TTC27: variants seen among roughly 807,000 people sequenced by gnomAD.
The protein encoded by TTC27 is tetratricopeptide repeat protein 27.
In TTC27, 79 loss-of-function variants were observed where a neutral mutation model predicts 115.9. The ratio of observed to expected loss-of-function variants is 0.68; its 90% CI spans 0.57 to 0.82. The LOEUF (loss-of-function observed/expected upper bound fraction) is 0.82. TTC27 is among the 40% of genes least tolerant of loss of function. The probability of loss-of-function intolerance (pLI) is 0.00; values close to 1 mark genes in which losing one functional copy is unlikely to be tolerated. For synonymous variants in TTC27, 401 were observed against 356.0 expected (o/e 1.13, Z -1.42); for missense variants, 1,054 against 993.1 (o/e 1.06, Z -0.82).
intron 16 of TTC27, among the ~76,000 whole-genome samples, chr2:32,803,121 G>A (rs924364924): frequency 6.6e-6 from 1 of 152,184 alleles, no homozygotes; most frequent in African/African-American, 2.4e-5. Context: ...CTTTGCCACT[G>A]CCACCTCCCA....
chr2:32,780,450 A>AT (rs1462687810), intron 14 of TTC27, among the ~76,000 whole-genome samples: 2 of 151,312 alleles, frequency 1.3e-5, no homozygotes, highest in Non-Finnish European at 3.0e-5. Context: ...TTTATTTTTT[A>AT]TTTTTTTGAG....
chr2:32,709,045 A>G (rs912044805), intron 10 of TTC27, among the ~76,000 whole-genome samples: 5 of 152,214 alleles, frequency 3.3e-5, no homozygotes, highest in African/African-American at 1.2e-4. Flanking sequence ...AGTCAACTGT[A>G]TTTGATTGTA....
chr2:32,661,977 AG>A (rs1427643210), intron 5 of TTC27, among the ~76,000 whole-genome samples: 8 of 152,132 alleles, frequency 5.3e-5, no homozygotes, highest in Admixed American at 5.2e-4. Context: ...TTTAGCATGA[AG>A]GGCTGTTTAA....
chr2:32,786,280 C>A (rs1670345414), intron 15 of TTC27, among the ~76,000 whole-genome samples: 1 of 152,014 alleles, frequency 6.6e-6, no homozygotes, highest in Admixed American at 6.6e-5. Context: ...TGCCACCATG[C>A]CCAGCTGCTT....
At chr2:32,695,502 C>T (rs999387598) in intron 9 of TTC27, among the ~76,000 whole-genome samples, 59 of 151,420 alleles carry the variant, frequency 3.9e-4, no homozygotes, top group African/African-American at 1.4e-3. Flanking sequence ...GGGCAGATCA[C>T]GAGGTCAGGA....
At chr2:32,676,253 A>G (rs1362813751) in intron 8 of TTC27, among the ~76,000 whole-genome samples, 2 of 151,528 alleles carry the variant, frequency 1.3e-5, no homozygotes, top group African/African-American at 4.9e-5. Context: ...ACCTCATTCT[A>G]CCTGAGGTAT....
chr2:32,671,065 C>T (rs938906852), intron 7 of TTC27, among the ~76,000 whole-genome samples: 1 of 152,142 alleles, frequency 6.6e-6, no homozygotes, highest in Non-Finnish European at 1.5e-5. Flanking sequence ...ACAATGTTTT[C>T]AGAGAACAGA....
intron 5 of TTC27, among the ~76,000 whole-genome samples, chr2:32,660,334 A>G (rs1665492432): frequency 6.6e-6 from 1 of 152,082 alleles, no homozygotes; most frequent in Non-Finnish European, 1.5e-5. Flanking sequence ...ATGTCTGCTC[A>G]TATCTTTCAA....
chr2:32,676,850 A>C (rs1666227547), intron 8 of TTC27, among the ~76,000 whole-genome samples: 1 of 151,598 alleles, frequency 6.6e-6, no homozygotes. Context: ...AAATTTGTTA[A>C]ATTAATATAT....
chr2:32,643,278 C>T (rs1344479238), intron 4 of TTC27, among the ~76,000 whole-genome samples: 3 of 152,036 alleles, frequency 2.0e-5, no homozygotes, highest in Admixed American at 6.6e-5. Context: ...TAAAGACTGA[C>T]GATTACTTTG....
In TTC27 at chr2:32,665,657, G is replaced by A. The variant is rs1665745566; in HGVS notation, c.806-978G>A. Among the ~76,000 whole-genome samples the A allele has an allele frequency of 2.6e-5, 4 of 152,210 alleles. No individual in the cohort carries two copies. In the South Asian group the frequency reaches 8.3e-4, roughly 32 times the overall value. On this transcript the variant is annotated intron_variant, in intron 6 of 19. Coordinates refer to ENST00000317907, the MANE Select transcript of TTC27 (RefSeq NM_017735.5). Reference sequence around the variant, plus strand: ...TGCCTGTAATCCCAGCACTTTGGGAGGCTGAGGCGGGCAGATCATGAGGTC... The same window carrying A: ...TGCCTGTAATCCCAGCACTTTGGGAAGCTGAGGCGGGCAGATCATGAGGTC...
At chr2:32,734,499 A>G (rs2151915646) in intron 11 of TTC27, among the ~76,000 whole-genome samples, 1 of 152,372 alleles carries the variant, frequency 6.6e-6, no homozygotes, top group South Asian at 2.1e-4. Flanking sequence ...TGTGAGATAC[A>G]CATGACTACT....
intron 13 of TTC27, among the ~76,000 whole-genome samples, chr2:32,766,807 A>G (rs1413315691): frequency 6.6e-6 from 1 of 152,046 alleles, no homozygotes; most frequent in Non-Finnish European, 1.5e-5. Flanking sequence ...TATTTTTGCA[A>G]CAGGGTCTCA....
At chr2:32,634,047 A>G in intron 3 of TTC27, 42 bp downstream of exon 3, 1 of 1,572,146 alleles carries the variant, frequency 6.4e-7, no homozygotes, top group Non-Finnish European at 8.6e-7. Flanking sequence ...TTATTATGTT[A>G]TTTATTTTTT....
At chr2:32,691,016 T>C (rs1413431277) in intron 9 of TTC27, among the ~76,000 whole-genome samples, 1 of 152,216 alleles carries the variant, frequency 6.6e-6, no homozygotes, top group Non-Finnish European at 1.5e-5. Flanking sequence ...AAAGCAGCTA[T>C]CTGAAAGCGC....
intron 16 of TTC27, among the ~76,000 whole-genome samples, chr2:32,801,861 A>G (rs1252389027): frequency 1.3e-5 from 2 of 152,208 alleles, no homozygotes; most frequent in Non-Finnish European, 2.9e-5. Context: ...GAGACTAGGA[A>G]GGGAGTTGAT....
intron 16 of TTC27, among the ~76,000 whole-genome samples, chr2:32,792,544 C>G (rs1241858644): frequency 2.0e-5 from 3 of 152,010 alleles, no homozygotes; most frequent in Non-Finnish European, 2.9e-5. Context: ...CTGCCTATCT[C>G]TCTCTGATAA....
Position 32,628,387 on chromosome 2 carries a change from G to A in TTC27, c.88+7G>A. The A allele has an allele frequency of 1.3e-6, 2 of 1,584,714 alleles. No individual in the cohort carries two copies. The highest frequency in any genetic ancestry group is 1.7e-6 in the Non-Finnish European group (2 of 1,167,984). ...GAGGGGGTCGTCGGTTCAGGTGAGAGGCGCACCTACCGGGCCTTAGGCTAT... is the reference window on the plus strand; with the variant it reads ...GAGGGGGTCGTCGGTTCAGGTGAGAAGCGCACCTACCGGGCCTTAGGCTAT... On this transcript the variant is annotated splice_region_variant and intron_variant, in intron 1 of 19. Coordinates refer to ENST00000317907, the MANE Select transcript of TTC27 (RefSeq NM_017735.5).
At chr2:32,663,113 T>G (rs1284781893) in intron 5 of TTC27, among the ~76,000 whole-genome samples, 1 of 152,164 alleles carries the variant, frequency 6.6e-6, no homozygotes, top group Non-Finnish European at 1.5e-5. Context: ...TTGCTGGGCT[T>G]CATGGGGGTG....
Sources: allele counts gnomAD v4.1 joint callset (sites outside exome capture counted in the v4.1 genomes callset), GRCh38; gene constraint gnomAD v4.1.1; transcripts MANE v1.5; gene names NCBI Gene and HGNC (gene_info 2026-07-23, HGNC 2026-07-21).